The following JMY variants were observed in gnomAD, a reference collection of about 807,000 sequenced individuals.
JMY encodes the protein junction mediating and regulatory protein, p53 cofactor, also known as junction-mediating and -regulatory protein.
JMY carries 46 observed loss-of-function variants against 103.3 expected under a neutral mutation model. The observed-to-expected ratio is 0.45, with a 90% CI of 0.35 to 0.57. JMY has a LOEUF of 0.57. Ranked by LOEUF, JMY falls within the 20% of genes least tolerant of loss-of-function variation. The pLI, the probability that JMY is intolerant of heterozygous loss-of-function variation, is 0.00. For missense variants in JMY, 1,238 were observed against 1,255.2 expected (o/e 0.99, Z 0.21); for synonymous variants, 526 against 489.3 (o/e 1.07, Z -0.99).
rs183762293 is a variant in JMY, at chr5:79,270,499, T to C, written c.1033-7411T>C. ...TTTACATAAATATTTACATAAAATA[T>C]ATATTTACATAAATATTTAAAATAT... On this transcript the variant is annotated intron_variant, in intron 1 of 10. Coordinates refer to ENST00000396137, the MANE Select transcript of JMY (RefSeq NM_152405.5). Among the ~76,000 whole-genome samples the C allele has an allele frequency of 5.9e-4, 57 of 96,524 alleles. 5 individuals carry two copies. Among genetic ancestry groups the C allele is most frequent in the Non-Finnish European group, 2.6e-4 (12 of 45,750 alleles). The allele number at this position is 96,524 out of a possible 152,430, so 63.3% of individuals were successfully genotyped here. A position where few individuals can be genotyped will look rare whatever the true frequency, so the allele number is the denominator to read the frequency against.
Position 79,316,510 on chromosome 5 carries a change from A to G in JMY, c.*3+200A>G, listed in dbSNP as rs189311319. Among the ~76,000 whole-genome samples the G allele has an allele frequency of 3.3e-5, 5 of 152,220 alleles. No individual in the cohort carries two copies. The East Asian group carries it at 9.6e-4, about 29-fold the overall frequency. On this transcript the variant is annotated intron_variant, in intron 10 of 10. Coordinates refer to ENST00000396137, the MANE Select transcript of JMY (RefSeq NM_152405.5). The stretch of plus-strand genomic sequence containing the variant: ...AACTTAAGATAACTTTTTAATGATT[A>G]TTGCTATGTAAATACTATTTTTAAA...
Position 79,276,371 on chromosome 5 carries a change from C to T in JMY, c.1033-1539C>T, listed in dbSNP as rs1171959071. Among the ~76,000 whole-genome samples the T allele has an allele frequency of 5.9e-5, 9 of 152,038 alleles. No individual in the cohort carries two copies. The South Asian group carries it at 1.0e-3, about 18-fold the overall frequency. ...CTGACCTCAAGTGATCTGCCTGCCT[C>T]GGCCTCCCAAAGTGCTGGGAGTACA... On this transcript the variant is annotated intron_variant, in intron 1 of 10. Transcript: ENST00000396137.
chr5:79,296,704 C>CA (rs1387433459), intron 4 of JMY, among the ~76,000 whole-genome samples: 1 of 152,194 alleles, frequency 6.6e-6, no homozygotes, highest in Non-Finnish European at 1.5e-5. Flanking sequence ...TTCTGTAACT[C>CA]AAACAGTGGT....
intron 1 of JMY, among the ~76,000 whole-genome samples, chr5:79,270,711 T>C (rs1473532709): frequency 6.8e-6 from 1 of 147,066 alleles, no homozygotes; most frequent in East Asian, 1.9e-4. Context: ...ATTATATATT[T>C]ATTATTATAA....
rs185592961 is a variant in JMY at position 79,324,190 on chromosome 5, C to G, written c.*2588C>G. 277 of 152,216 alleles carry G rather than the reference C, an allele frequency of 1.8e-3. 5 individuals carry two copies. The highest frequency in any genetic ancestry group is 0.016 in the Admixed American group (241 of 15,296). The allele number at this position is 152,216 out of a possible 1,614,324, so 9.4% of individuals were successfully genotyped here. On this transcript the variant is annotated 3_prime_UTR_variant, in exon 11 of 11. Coordinates refer to ENST00000396137, the MANE Select transcript of JMY (RefSeq NM_152405.5). ...GTTAATTTTAAAGTAGCTTCAGAACCCAACAAAAATTATGTAAGCCTGGTT... is the reference window on the plus strand; with the variant it reads ...GTTAATTTTAAAGTAGCTTCAGAACGCAACAAAAATTATGTAAGCCTGGTT...
At chr5:79,281,010 G>T (rs1048938675) in intron 2 of JMY, among the ~76,000 whole-genome samples, 4 of 149,978 alleles carry the variant, frequency 2.7e-5, no homozygotes, top group Non-Finnish European at 5.9e-5. Flanking sequence ...ATTAGTAATA[G>T]AAAAAAAGAA....
At chr5:79,289,409 C>T (rs1471998702) in intron 2 of JMY, among the ~76,000 whole-genome samples, 1 of 151,380 alleles carries the variant, frequency 6.6e-6, no homozygotes, top group African/African-American at 2.4e-5. Context: ...TTGTCATTGG[C>T]TTCATATATA....
At chr5:79,271,700 C>T (rs1580345546) in intron 1 of JMY, among the ~76,000 whole-genome samples, 2 of 152,088 alleles carry the variant, frequency 1.3e-5, no homozygotes, top group African/African-American at 4.8e-5. Context: ...CAACTTTCTT[C>T]CTTCTTTTTA....
chr5:79,314,362 T>G lies in JMY; in HGVS notation c.2170T>G (p.Leu724Val), dbSNP rs751219996. 6.2e-7 allele frequency: 1 copy of G among 1,614,122 alleles called. No homozygotes were observed. Among genetic ancestry groups the G allele is most frequent in the South Asian group, 1.1e-5 (1 of 91,078 alleles). Reference sequence around the variant, plus strand: ...TCTCCAAGAGGATCATTGTGACTCTTTACCAAGTGTGTTACAGGTAGAAGA... The same window carrying G: ...TCTCCAAGAGGATCATTGTGACTCTGTACCAAGTGTGTTACAGGTAGAAGA... ...PVLQEDHCDS[L>V]PSVLQVEEKT... is the part of the protein sequence containing the mutation. Residue 724 changes from leucine to valine, a missense_variant, in exon 9 of 11, where the codon TTA (leucine) becomes GTA (valine). Leu to Val is a conservative substitution (Grantham distance 32). Coordinates refer to ENST00000396137, the MANE Select transcript of JMY (RefSeq NM_152405.5).
rs532363334 is a variant in JMY, at chr5:79,269,113, T to C, written c.1033-8797T>C. On this transcript the variant is annotated intron_variant, in intron 1 of 10. Transcript: ENST00000396137. ...TTTCTTCCATGTTATCTTCTAGAAGTTTTATAGTTTTCAGTTTTACATTTA... is the reference window on the plus strand; with the variant it reads ...TTTCTTCCATGTTATCTTCTAGAAGCTTTATAGTTTTCAGTTTTACATTTA... 5.3e-5 allele frequency among the ~76,000 whole-genome samples: 8 copies of C among 152,228 alleles called. No homozygotes were observed. In the South Asian group the frequency reaches 1.7e-3, roughly 32 times the overall value.
chr5:79,308,100 A>G (rs529418236), intron 7 of JMY, among the ~76,000 whole-genome samples: 16 of 152,054 alleles, frequency 1.1e-4, no homozygotes, highest in Admixed American at 2.0e-4. Flanking sequence ...AGTTCTTCAT[A>G]TATTTTGGCT....
rs1273664272 is a variant in JMY at position 79,237,663 on chromosome 5, C to T, written c.1013C>T (p.Ala338Val). ...QKGYEEVLQR[A>V]RKRIQELLDK... Reference sequence around the variant, plus strand: ...GGCTACGAAGAAGTGCTTCAGCGGGCCAGGAAGCGCATCCAGGAGGTGAGT... The same window carrying T: ...GGCTACGAAGAAGTGCTTCAGCGGGTCAGGAAGCGCATCCAGGAGGTGAGT... Residue 338 changes from alanine to valine, a missense_variant, in exon 1 of 11, where the codon GCC becomes GTC. Physicochemically the swap from Ala to Val is moderately conservative, Grantham distance 64. Transcript: ENST00000396137. The T allele has an allele frequency of 1.9e-6, 3 of 1,612,588 alleles. No individual in the cohort carries two copies. Among genetic ancestry groups the T allele is most frequent in the Non-Finnish European group, 1.7e-6 (2 of 1,179,302 alleles).
intron 2 of JMY, chr5:79,284,982 G>C: frequency 9.5e-7 from 1 of 1,048,388 alleles, no homozygotes; most frequent in East Asian, 2.5e-5. Context: ...GTTGAAACTA[G>C]ACGAACCTCT....
chr5:79,259,117 T>C (rs1214209667), intron 1 of JMY, among the ~76,000 whole-genome samples: 1 of 152,100 alleles, frequency 6.6e-6, no homozygotes, highest in African/African-American at 2.4e-5. Context: ...CTGAAGCTGG[T>C]TGTCCCATCA....
chr5:79,293,501 C>T (rs1272579977), intron 4 of JMY, among the ~76,000 whole-genome samples: 11 of 151,772 alleles, frequency 7.2e-5, no homozygotes, highest in African/African-American at 9.7e-5. Context: ...CAAGAGACCC[C>T]TCATGTCATG....
At chr5:79,256,920 C>T (rs151328160) in intron 1 of JMY, among the ~76,000 whole-genome samples, 6 of 152,178 alleles carry the variant, frequency 3.9e-5, no homozygotes, top group African/African-American at 1.2e-4. Context: ...GCCACCAGGC[C>T]CAGCCATAGC....
intron 1 of JMY, among the ~76,000 whole-genome samples, chr5:79,250,736 C>T (rs1319011666): frequency 6.7e-6 from 1 of 150,198 alleles, no homozygotes; most frequent in Non-Finnish European, 1.5e-5. Flanking sequence ...AATTTTACCC[C>T]ACTATTAATT....
chr5:79,321,456 A>T (rs775777454), intron 10 of JMY, 150 bp from the exon 11 acceptor site: 1 of 152,156 alleles, frequency 6.6e-6, no homozygotes, highest in Non-Finnish European at 1.5e-5. Flanking sequence ...CTGTATTTAG[A>T]TTATTTTGTT....
chr5:79,291,332 A>C, intron 4 of JMY, 33 bp downstream of exon 4: 2 of 1,510,428 alleles, frequency 1.3e-6, no homozygotes, highest in Non-Finnish European at 1.8e-6. Flanking sequence ...TAAAATCAGA[A>C]AAAGTTACAG....
Sources: allele counts gnomAD v4.1 joint callset (sites outside exome capture counted in the v4.1 genomes callset), GRCh38; gene constraint gnomAD v4.1.1; transcripts MANE v1.5; gene names NCBI Gene and HGNC (gene_info 2026-07-23, HGNC 2026-07-21).